The following C3orf22 variants were observed in gnomAD, a reference collection of about 807,000 sequenced individuals.
C3orf22 encodes chromosome 3 open reading frame 22, also known as uncharacterized protein C3orf22.
A neutral mutation model predicts 10.8 loss-of-function variants in C3orf22; 7 were observed. The ratio of observed to expected loss-of-function variants is 0.65; its 90% confidence interval spans 0.37 to 1.22. C3orf22 has a LOEUF of 1.22. Ranked by LOEUF, C3orf22 falls within the 50% of genes most tolerant of loss-of-function variation. The probability of loss-of-function intolerance (pLI) is 0.02; values close to 1 mark genes in which losing one functional copy is unlikely to be tolerated. For missense variants in C3orf22, 173 were observed against 177.0 expected, an observed-to-expected ratio of 0.98 and a Z score of 0.13; for synonymous variants, 79 against 78.9, an observed-to-expected ratio of 1.00 and a Z score of 0.00.
intron 4 of C3orf22, among the ~76,000 whole-genome samples, chr3:126,539,627 ACACACACCC>A (rs1241669023): frequency 7.2e-6 from 1 of 139,778 alleles, no homozygotes; most frequent in African/African-American, 2.7e-5. Context: ...CACACAGCAC[ACACACACCC>A]CACACACCAC....
intron 1 of C3orf22, among the ~76,000 whole-genome samples, chr3:126,555,281 C>T (rs1937300130): frequency 6.6e-6 from 1 of 152,228 alleles, no homozygotes; most frequent in South Asian, 2.1e-4. Flanking sequence ...TCTCAACCAG[C>T]CATGCTGTGC....
At chr3:126,539,598 C>G (rs1936883180) in intron 4 of C3orf22, among the ~76,000 whole-genome samples, 1 of 141,584 alleles carries the variant, frequency 7.1e-6, no homozygotes, top group Non-Finnish European at 1.6e-5. Flanking sequence ...CACACACACC[C>G]CACACACTCC....
downstream of C3orf22, among the ~76,000 whole-genome samples, chr3:126,548,668 G>T (rs1045498666): frequency 5.9e-5 from 9 of 152,186 alleles, no homozygotes; most frequent in African/African-American, 1.9e-4. Context: ...GGTCCCACCT[G>T]GGGAGGGAGC....
chr3:126,554,312 G>A (rs1304457707), intron 1 of C3orf22, among the ~76,000 whole-genome samples: 3 of 145,808 alleles, frequency 2.1e-5, no homozygotes, highest in African/African-American at 2.6e-5. Context: ...TCCCCAGGCT[G>A]GAGTGCAATG....
chr3:126,528,587 GT>G (rs1268404357), intron 5 of C3orf22, among the ~76,000 whole-genome samples: 1 of 152,140 alleles, frequency 6.6e-6, no homozygotes, highest in Non-Finnish European at 1.5e-5. Flanking sequence ...CTTGGTAATT[GT>G]TCCAGGGAGA....
downstream of C3orf22, chr3:126,549,547 G>T: frequency 1.2e-6 from 1 of 827,906 alleles, no homozygotes; most frequent in Non-Finnish European, 1.8e-6. Context: ...CTGTGTGAGT[G>T]TACATTTGGG....
At chr3:126,544,802 C>T (rs1937038841), downstream of C3orf22, among the ~76,000 whole-genome samples, 1 of 152,256 alleles carries the variant, frequency 6.6e-6, no homozygotes, top group South Asian at 2.1e-4. Context: ...AGCTACTCCA[C>T]TGCTTCCCCA....
chr3:126,544,481 G>A (rs1339588476), intron 4 of C3orf22, among the ~76,000 whole-genome samples: 1 of 152,222 alleles, frequency 6.6e-6, no homozygotes, highest in African/African-American at 2.4e-5. Context: ...ATGGGGCCTT[G>A]GCCACACTGG....
chr3:126,555,926 C>T (rs1937318415), intron 1 of C3orf22, among the ~76,000 whole-genome samples: 1 of 152,192 alleles, frequency 6.6e-6, no homozygotes, highest in African/African-American at 2.4e-5. Flanking sequence ...GGGGTGTGGC[C>T]CTGAGGAATG....
chr3:126,551,708 A>G (rs1025529939), intron 3 of C3orf22, among the ~76,000 whole-genome samples: 22 of 151,950 alleles, frequency 1.4e-4, no homozygotes, highest in African/African-American at 5.1e-4. Flanking sequence ...ACTTGGCTAA[A>G]CTCCTGCTGC....
Position 126,536,239 on chromosome 3 carries a change from T to C in C3orf22, c.287-6867A>G, listed in dbSNP as rs768702011. Reference sequence around the variant, plus strand: ...CAGGTCCATGCAAGTCCCTCTGATATGGTGGCGACATCTCTCTCCTTATGC... The same window carrying C: ...CAGGTCCATGCAAGTCCCTCTGATACGGTGGCGACATCTCTCTCCTTATGC... On this transcript the variant is annotated intron_variant and NMD_transcript_variant, in intron 4 of 5. Coordinates refer to the C3orf22 transcript ENST00000505070. 5 of 1,597,000 alleles carry C rather than the reference T, an allele frequency of 3.1e-6. No homozygotes were observed. In the East Asian group the frequency reaches 1.1e-4, roughly 36 times the overall value.
At chr3:126,542,158 A>G (rs772126020) in intron 4 of C3orf22, 1 of 1,523,938 alleles carries the variant, frequency 6.6e-7, no homozygotes, top group Admixed American at 2.1e-5. Context: ...GCTACGGTGC[A>G]CGCATCGTTC....
intron 4 of C3orf22, among the ~76,000 whole-genome samples, chr3:126,543,779 GGT>G (rs1937023342): frequency 6.6e-6 from 1 of 152,102 alleles, no homozygotes; most frequent in Non-Finnish European, 1.5e-5. Context: ...TGTGAGTGTG[GGT>G]GTGTCTTGGG....
chr3:126,558,239 A>G (rs1937399832), intron 1 of C3orf22, among the ~76,000 whole-genome samples: 1 of 152,202 alleles, frequency 6.6e-6, no homozygotes, highest in Admixed American at 6.5e-5. Flanking sequence ...AGGCTCCGGA[A>G]AGTTAACTGA....
intron 4 of C3orf22, among the ~76,000 whole-genome samples, chr3:126,537,403 G>A (rs959573174): frequency 6.6e-6 from 1 of 152,228 alleles, no homozygotes; most frequent in African/African-American, 2.4e-5. Flanking sequence ...AAGCAAGGAA[G>A]GACAGCATCA....
At chr3:126,541,639 CAAT>C in intron 4 of C3orf22, 1 of 1,224,494 alleles carries the variant, frequency 8.2e-7, no homozygotes, top group Non-Finnish European at 1.1e-6. Flanking sequence ...CTCCTGCTCC[CAAT>C]TCCCGGGCGC....
At chr3:126,530,322 CTT>C (rs1178583569) in intron 4 of C3orf22, among the ~76,000 whole-genome samples, 1 of 152,262 alleles carries the variant, frequency 6.6e-6, no homozygotes, top group Non-Finnish European at 1.5e-5. Flanking sequence ...ATGGTACCCA[CTT>C]TCCAGCAGGC....
intron 1 of C3orf22, among the ~76,000 whole-genome samples, chr3:126,554,305 C>T (rs1291565181): frequency 6.9e-6 from 1 of 145,842 alleles, no homozygotes; most frequent in Non-Finnish European, 1.5e-5. Context: ...GCTCTCGTCC[C>T]CAGGCTGGAG....
chr3:126,528,793 C>T (rs1936587001), intron 5 of C3orf22, among the ~76,000 whole-genome samples: 2 of 152,158 alleles, frequency 1.3e-5, no homozygotes, highest in South Asian at 4.1e-4. Context: ...GTTCTCTCCC[C>T]TAAACAGAAT....
Sources: allele counts gnomAD v4.1 joint callset (sites outside exome capture counted in the v4.1 genomes callset), GRCh38; gene constraint gnomAD v4.1.1; transcripts MANE v1.5; gene names NCBI Gene and HGNC (gene_info 2026-07-23, HGNC 2026-07-21).